The following SHISA9 variants were observed in gnomAD, a reference collection of about 807,000 sequenced individuals.
The protein encoded by SHISA9 is shisa family member 9.
A neutral mutation model predicts 38.0 loss-of-function variants in SHISA9; 13 were observed. The observed-to-expected ratio is 0.34, with a 90% CI of 0.22 to 0.54. SHISA9 has a LOEUF of 0.54. Among genes scored for constraint, SHISA9 ranks in the 20% least tolerant of loss-of-function variants. SHISA9 has a pLI of 0.91. For missense variants in SHISA9, 538 were observed against 575.8 expected (o/e 0.93, Z 0.67); for synonymous variants, 275 against 242.0 (o/e 1.14, Z -1.27).
At chr16:13,519,453 A>G in the SHISA9 span, among the ~76,000 whole-genome samples, 2 of 152,198 alleles carry the variant, frequency 1.3e-5, no homozygotes, top group Non-Finnish European at 1.5e-5. Context: ...ATTTCCAAAC[A>G]TAAATGCCAT....
the SHISA9 span, among the ~76,000 whole-genome samples, chr16:13,292,331 G>A: frequency 6.6e-6 from 1 of 151,978 alleles, no homozygotes; most frequent in African/African-American, 2.4e-5. Context: ...TGAAACAGAG[G>A]AGTTGGATAT....
At chr16:13,560,184 C>A in the SHISA9 span, among the ~76,000 whole-genome samples, 1 of 152,194 alleles carries the variant, frequency 6.6e-6, no homozygotes. Flanking sequence ...CACTAGCAAA[C>A]TGTGTACAGG....
At chr16:13,439,208 T>C in the SHISA9 span, among the ~76,000 whole-genome samples, 1 of 152,170 alleles carries the variant, frequency 6.6e-6, no homozygotes. Flanking sequence ...CAGTGAGTAG[T>C]TTCCAGGGGC....
chr16:12,990,240 A>G (rs570884184), intron 2 of SHISA9, among the ~76,000 whole-genome samples: 3 of 152,286 alleles, frequency 2.0e-5, no homozygotes, highest in African/African-American at 7.2e-5. Context: ...GCAGCAGTGA[A>G]CATACATGTG....
intron 2 of SHISA9, among the ~76,000 whole-genome samples, chr16:13,087,238 T>A (rs2073723213): frequency 6.6e-6 from 1 of 151,538 alleles, no homozygotes; most frequent in Non-Finnish European, 1.5e-5. Context: ...TGATGGACAT[T>A]TGGGTTGGTT....
At chr16:13,514,356 G>A in the SHISA9 span, among the ~76,000 whole-genome samples, 2 of 152,006 alleles carry the variant, frequency 1.3e-5, no homozygotes, top group African/African-American at 2.4e-5. Context: ...CAAAGCATCA[G>A]GAAATATAAT....
intron 2 of SHISA9, among the ~76,000 whole-genome samples, chr16:13,098,448 T>C (rs1390780926): frequency 6.6e-6 from 1 of 152,120 alleles, no homozygotes; most frequent in Non-Finnish European, 1.5e-5. Flanking sequence ...ACCCAGGGAG[T>C]CACCACTTTT....
At chr16:13,553,651 T>C in the SHISA9 span, among the ~76,000 whole-genome samples, 1 of 151,676 alleles carries the variant, frequency 6.6e-6, no homozygotes, top group Admixed American at 6.6e-5. Flanking sequence ...CACAATGATT[T>C]TGAATAACTG....
intron 2 of SHISA9, among the ~76,000 whole-genome samples, chr16:13,076,180 G>A (rs754304814): frequency 1.3e-5 from 2 of 152,036 alleles, no homozygotes; most frequent in Non-Finnish European, 1.5e-5. Context: ...ACATGCATGC[G>A]CCATCACACC....
chr16:13,438,022 G>C, the SHISA9 span, among the ~76,000 whole-genome samples: 40,674 of 150,678 alleles, frequency 0.27, 5,746 homozygotes, highest in African/African-American at 0.31. Flanking sequence ...TCCGCCACCA[G>C]GCCCAGCTAA....
intron 2 of SHISA9, among the ~76,000 whole-genome samples, chr16:12,958,304 T>G (rs1026665608): frequency 9.2e-5 from 14 of 152,248 alleles, no homozygotes; most frequent in African/African-American, 3.4e-4. Flanking sequence ...CCATTTTTCA[T>G]CATTATAAAC....
intron 2 of SHISA9, among the ~76,000 whole-genome samples, chr16:13,044,772 CTG>C (rs2073168172): frequency 6.6e-6 from 1 of 152,184 alleles, no homozygotes. Flanking sequence ...GAATGCCACA[CTG>C]GTAGTTCTGA....
At chr16:13,457,383 C>A in the SHISA9 span, among the ~76,000 whole-genome samples, 5 of 152,052 alleles carry the variant, frequency 3.3e-5, no homozygotes, top group African/African-American at 1.2e-4. Context: ...CTTTTGCTCC[C>A]CTCTCTTGAA....
chr16:13,109,469 A>G (rs1261734328), intron 2 of SHISA9, among the ~76,000 whole-genome samples: 1 of 152,148 alleles, frequency 6.6e-6, no homozygotes, highest in African/African-American at 2.4e-5. Context: ...CACTTAATAC[A>G]CACATCACTC....
rs1475947622 is a variant in SHISA9 at position 13,102,099 on chromosome 16, G to A, written c.692-101295G>A. On this transcript the variant is annotated intron_variant, in intron 2 of 4. Transcript: ENST00000558583. Reference sequence around the variant, plus strand: ...CCCCGACTGTCCCCTCCCTCCCTGAGGCTTTTGAGTTTGCATCCCTTGAAG... The same window carrying A: ...CCCCGACTGTCCCCTCCCTCCCTGAAGCTTTTGAGTTTGCATCCCTTGAAG... Among the ~76,000 whole-genome samples, 9 of 152,260 alleles carry A rather than the reference G, an allele frequency of 5.9e-5. No homozygotes were observed. In the East Asian group the frequency reaches 1.7e-3, roughly 29 times the overall value.
chr16:13,264,195 G>T, the SHISA9 span, among the ~76,000 whole-genome samples: 2 of 141,444 alleles, frequency 1.4e-5, no homozygotes, highest in Non-Finnish European at 3.0e-5. Context: ...TTTTTCCTGA[G>T]ACTGAGTCTT....
At position 13,083,247 on chromosome 16, in the gene SHISA9, G is replaced by C. The variant is rs556996433; in HGVS notation, c.692-120147G>C. On this transcript the variant is annotated intron_variant, in intron 2 of 4. Coordinates refer to ENST00000558583, the MANE Select transcript of SHISA9 (RefSeq NM_001145204.3). ...TGGATGGCTACTCCAACAGGATGGA[G>C]ACATTTTTAAGATTCAGGCTTGAAC... 4.6e-5 allele frequency among the ~76,000 whole-genome samples: 7 copies of C among 152,336 alleles called. No individual in the cohort carries two copies. The South Asian group carries it at 1.4e-3, about 32-fold the overall frequency.
intron 2 of SHISA9, among the ~76,000 whole-genome samples, chr16:13,130,924 C>T (rs986314005): frequency 1.3e-5 from 2 of 152,196 alleles, no homozygotes; most frequent in Non-Finnish European, 2.9e-5. Flanking sequence ...TACCAACTCA[C>T]ACCAGTCAGA....
At chr16:13,001,865 A>T (rs1331780262) in intron 2 of SHISA9, among the ~76,000 whole-genome samples, 1 of 152,190 alleles carries the variant, frequency 6.6e-6, no homozygotes, top group African/African-American at 2.4e-5. Context: ...ATGAGTGGGT[A>T]GAGGGGAGGG....
Sources: gnomAD v4.1 joint callset for allele counts (sites outside exome capture counted in the v4.1 genomes callset) on GRCh38, gnomAD v4.1.1 for gene constraint, MANE v1.5 for transcripts, NCBI Gene and HGNC (gene_info 2026-07-23, HGNC 2026-07-21) for gene names.